The following KLHL3 variants were observed in gnomAD, a reference collection of about 807,000 sequenced individuals.
KLHL3 encodes the protein kelch-like protein 3.
A neutral mutation model predicts 70.5 loss-of-function variants in KLHL3; 19 were observed. That is an observed-to-expected ratio of 0.27 (90% confidence interval 0.19 to 0.40). The LOEUF is 0.40. Among genes scored for constraint, KLHL3 ranks in the 10% least tolerant of loss-of-function variants. The probability of loss-of-function intolerance (pLI) is 1.00; values close to 1 mark genes in which losing one functional copy is unlikely to be tolerated. For missense variants in KLHL3, 512 were observed against 771.1 expected (o/e 0.66, Z 3.98); for synonymous variants, 258 against 290.3 (o/e 0.89, Z 1.13).
Position 137,618,696 on chromosome 5 carries a change from C to T in KLHL3, c.*3402G>A, listed in dbSNP as rs891972635. ...TCTCCATGCCACAGGGTACCAGGCT[C>T]AGTGCCCGTCAGTGGGAGCCACCAC... is the stretch of plus-strand genomic sequence containing the variant. On this transcript the variant is annotated 3_prime_UTR_variant, in exon 15 of 15. Transcript: ENST00000309755. 1 of 151,074 alleles carries T rather than the reference C, an allele frequency of 6.6e-6. No homozygotes were observed. Among genetic ancestry groups the T allele is most frequent in the Non-Finnish European group, 1.5e-5 (1 of 67,890 alleles). 9.4% of individuals were successfully genotyped at this position (151,074 alleles called of 1,614,324 possible).
intron 12 of KLHL3, among the ~76,000 whole-genome samples, chr5:137,633,615 T>C (rs1320209555): frequency 1.3e-5 from 2 of 152,178 alleles, no homozygotes; most frequent in Non-Finnish European, 1.5e-5. Flanking sequence ...GTATACACCA[T>C]GGAATCTTAT....
chr5:137,704,386 C>G (rs1338207923), intron 3 of KLHL3, among the ~76,000 whole-genome samples: 2 of 150,896 alleles, frequency 1.3e-5, no homozygotes, highest in African/African-American at 4.9e-5. Flanking sequence ...AGCAAGACTC[C>G]GTCTCAAAAA....
intron 6 of KLHL3, among the ~76,000 whole-genome samples, chr5:137,668,391 CAG>C (rs1370583217): frequency 6.6e-6 from 1 of 152,108 alleles, no homozygotes; most frequent in Non-Finnish European, 1.5e-5. Flanking sequence ...AGCCTGGTGA[CAG>C]AGAGAGACTC....
chr5:137,685,437 T>G (rs1392849876), intron 5 of KLHL3, among the ~76,000 whole-genome samples: 1 of 152,194 alleles, frequency 6.6e-6, no homozygotes, highest in Non-Finnish European at 1.5e-5. Context: ...GAGTACAGAG[T>G]GCTTTCTGTT....
At chr5:137,638,150 C>A (rs868526918) in intron 10 of KLHL3, among the ~76,000 whole-genome samples, 11 of 152,298 alleles carry the variant, frequency 7.2e-5, no homozygotes, top group Admixed American at 5.2e-4. Context: ...AGAAACAATG[C>A]ACCACTACCC....
intron 14 of KLHL3, among the ~76,000 whole-genome samples, chr5:137,624,034 T>A (rs1284102745): frequency 6.6e-6 from 1 of 152,236 alleles, no homozygotes; most frequent in East Asian, 1.9e-4. Context: ...CTATTACAAA[T>A]GTTTTCTCAT....
chr5:137,725,119 C>T (rs2149937424), intron 1 of KLHL3: 1 of 916,364 alleles, frequency 1.1e-6, no homozygotes, highest in Non-Finnish European at 1.3e-6. Context: ...CCTATCAAGT[C>T]CCAATCCCAA....
At chr5:137,690,515 G>A (rs1382159770) in intron 5 of KLHL3, among the ~76,000 whole-genome samples, 1 of 152,076 alleles carries the variant, frequency 6.6e-6, no homozygotes, top group Non-Finnish European at 1.5e-5. Context: ...GAAGCAGAAG[G>A]GTCAAGGTTC....
chr5:137,622,052 G>A lies in KLHL3; in HGVS notation c.*46C>T, dbSNP rs965784227. The A allele has an allele frequency of 6.2e-7, 1 of 1,608,280 alleles. No homozygotes were observed. Among genetic ancestry groups the A allele is most frequent in the Non-Finnish European group, 8.5e-7 (1 of 1,174,652 alleles). ...CAAGGTCCTGCTGTTCAGAGTCACA[G>A]GCAGCACCTGCTCCTTCCTCCACCT... On this transcript the variant is annotated 3_prime_UTR_variant, in exon 15 of 15. Coordinates refer to ENST00000309755, the MANE Select transcript of KLHL3 (RefSeq NM_017415.3).
At chr5:137,640,733 A>ACC (rs145625221) in intron 8 of KLHL3, among the ~76,000 whole-genome samples, 541 of 151,298 alleles carry the variant, frequency 3.6e-3, no homozygotes, top group Non-Finnish European at 4.7e-3. Context: ...GAGGCCAGCC[A>ACC]CCCCCCCCAA....
At position 137,617,676 on chromosome 5, in the gene KLHL3, C is replaced by T. The variant is rs1015954684; in HGVS notation, c.*4422G>A. ...AACAGCCACGCAGAGAACACCAGAT[C>T]GAGGATCTTACCTATGCAATATGTT... On this transcript the variant is annotated 3_prime_UTR_variant, in exon 15 of 15. Transcript: ENST00000309755. The T allele has an allele frequency of 3.3e-5, 5 of 152,170 alleles. No homozygotes were observed. Among genetic ancestry groups the T allele is most frequent in the African/African-American group, 7.2e-5 (3 of 41,420 alleles). 9.4% of individuals were successfully genotyped at this position (152,170 alleles called of 1,614,324 possible). A position where few individuals can be genotyped will look rare whatever the true frequency, so the allele number is the denominator to read the frequency against.
At chr5:137,700,068 C>T (rs1374858213) in intron 3 of KLHL3, among the ~76,000 whole-genome samples, 1 of 152,246 alleles carries the variant, frequency 6.6e-6, no homozygotes, top group African/African-American at 2.4e-5. Context: ...TCTCTCTTCT[C>T]TGACTGCCAG....
At chr5:137,687,091 C>G (rs1419877923) in intron 5 of KLHL3, among the ~76,000 whole-genome samples, 4 of 81,186 alleles carry the variant, frequency 4.9e-5, no homozygotes, top group Admixed American at 2.3e-4. Flanking sequence ...GCCCCCCGCC[C>G]GGCCAGCCGC....
intron 6 of KLHL3, among the ~76,000 whole-genome samples, chr5:137,667,620 C>T (rs1221600891): frequency 6.6e-6 from 1 of 152,176 alleles, no homozygotes; most frequent in Admixed American, 6.5e-5. Context: ...TGGACTTGCA[C>T]ACCCCAAGGA....
intron 3 of KLHL3, among the ~76,000 whole-genome samples, chr5:137,705,546 T>G (rs951277700): frequency 4.6e-5 from 7 of 152,118 alleles, no homozygotes; most frequent in Non-Finnish European, 1.0e-4. Context: ...AAAACCAATC[T>G]AAATCAGCCA....
At chr5:137,723,165 G>A (rs544331176) in intron 1 of KLHL3, among the ~76,000 whole-genome samples, 170 of 152,262 alleles carry the variant, frequency 1.1e-3, no homozygotes, top group African/African-American at 4.0e-3. Context: ...CTCTGTAACA[G>A]TACCACATGA....
At chr5:137,662,759 C>G (rs1007509193) in intron 6 of KLHL3, among the ~76,000 whole-genome samples, 7 of 151,860 alleles carry the variant, frequency 4.6e-5, no homozygotes, top group African/African-American at 1.7e-4. Context: ...GGGAAACCAG[C>G]AGTGTCTGTA....
At chr5:137,704,171 G>A (rs1752630589) in intron 3 of KLHL3, among the ~76,000 whole-genome samples, 1 of 152,094 alleles carries the variant, frequency 6.6e-6, no homozygotes, top group African/African-American at 2.4e-5. Context: ...GGATCATGAG[G>A]TCAGGAGATC....
rs1049046223 is a variant in KLHL3 at position 137,621,915 on chromosome 5, C to T, written c.*183G>A. 3.0e-5 allele frequency: 20 copies of T among 664,692 alleles called. No individual in the cohort carries two copies. Among genetic ancestry groups the T allele is most frequent in the East Asian group, 1.3e-4 (5 of 37,394 alleles). The allele number at this position is 664,692 out of a possible 1,614,324, so 41.2% of individuals were successfully genotyped here. A position where few individuals can be genotyped will look rare whatever the true frequency, so the allele number is the denominator to read the frequency against. ...CATAGGCCAGAGCACCTCAGGGGAACGGGGGTGGGTAATGGTGTCCACACT... is the reference window on the plus strand; with the variant it reads ...CATAGGCCAGAGCACCTCAGGGGAATGGGGGTGGGTAATGGTGTCCACACT... On this transcript the variant is annotated 3_prime_UTR_variant, in exon 15 of 15. Coordinates refer to ENST00000309755, the MANE Select transcript of KLHL3 (RefSeq NM_017415.3).
Sources: gnomAD v4.1 joint callset for allele counts (sites outside exome capture counted in the v4.1 genomes callset) on GRCh38, gnomAD v4.1.1 for gene constraint, MANE v1.5 for transcripts, NCBI Gene and HGNC (gene_info 2026-07-23, HGNC 2026-07-21) for gene names.